HDAC9: variants seen among roughly 807,000 people sequenced by gnomAD.
The protein encoded by HDAC9 is histone deacetylase 9.
Under a neutral mutation model 139.4 loss-of-function variants are expected in HDAC9, and 41 were observed. That is an observed-to-expected ratio of 0.29 (90% CI 0.23 to 0.38). The LOEUF (loss-of-function observed/expected upper bound fraction) is 0.38. HDAC9 is among the 10% of genes least tolerant of loss of function. The probability of loss-of-function intolerance (pLI) is 1.00; values close to 1 mark genes in which losing one functional copy is unlikely to be tolerated. For missense variants in HDAC9, 1,147 were observed against 1,297.0 expected, an observed-to-expected ratio of 0.88 and a Z score of 1.78; for synonymous variants, 517 against 476.2, an observed-to-expected ratio of 1.09 and a Z score of -1.12.
chr7:18,742,035 T>TG (rs1253608376), intron 13 of HDAC9, among the ~76,000 whole-genome samples: 3 of 152,236 alleles, frequency 2.0e-5, no homozygotes, highest in African/African-American at 7.2e-5. Flanking sequence ...AGTGTACTCC[T>TG]GGTGAAGATG....
chr7:18,569,641 CTAAT>C (rs1481725518), intron 2 of HDAC9, among the ~76,000 whole-genome samples: 3 of 152,094 alleles, frequency 2.0e-5, no homozygotes, highest in Non-Finnish European at 4.4e-5. Flanking sequence ...TAATGACAGT[CTAAT>C]TAAATAGAAG....
intron 2 of HDAC9, among the ~76,000 whole-genome samples, chr7:18,171,055 A>G (rs963232296): frequency 6.6e-6 from 1 of 152,140 alleles, no homozygotes; most frequent in Admixed American, 6.5e-5. Flanking sequence ...TATTTCCAAG[A>G]TATTGATTCT....
At chr7:18,130,885 T>A (rs1281123145) in intron 1 of HDAC9, among the ~76,000 whole-genome samples, 1 of 151,874 alleles carries the variant, frequency 6.6e-6, no homozygotes, top group Non-Finnish European at 1.5e-5. Flanking sequence ...TGAAGTTATT[T>A]CTCTTTTTGT....
intron 14 of HDAC9, among the ~76,000 whole-genome samples, chr7:18,756,037 G>A (rs1788848045): frequency 6.6e-6 from 1 of 152,052 alleles, no homozygotes; most frequent in Non-Finnish European, 1.5e-5. Flanking sequence ...CTTGACCTAA[G>A]CTACCCATTA....
intron 2 of HDAC9, among the ~76,000 whole-genome samples, chr7:18,236,288 T>C (rs1488299084): frequency 6.6e-6 from 1 of 152,164 alleles, no homozygotes; most frequent in Admixed American, 6.5e-5. Context: ...AATCGACAAG[T>C]CTTCCAGGTG....
chr7:18,335,683 C>T (rs921456812), intron 1 of HDAC9, among the ~76,000 whole-genome samples: 1 of 151,514 alleles, frequency 6.6e-6, no homozygotes, highest in Non-Finnish European at 1.5e-5. Context: ...ACTGTTTATC[C>T]TTCTAAGAAT....
chr7:18,212,045 G>A (rs1791973417), intron 2 of HDAC9, among the ~76,000 whole-genome samples: 1 of 152,096 alleles, frequency 6.6e-6, no homozygotes, highest in African/African-American at 2.4e-5. Flanking sequence ...TTTCTTTGGG[G>A]AGAGGCTTAT....
intron 2 of HDAC9, among the ~76,000 whole-genome samples, chr7:18,186,057 A>G (rs985679290): frequency 3.3e-5 from 5 of 152,214 alleles, no homozygotes; most frequent in Non-Finnish European, 7.3e-5. Flanking sequence ...TGAAAACACT[A>G]TGGAGTAAGG....
chr7:18,979,394 C>T (rs894665570), intron 25 of HDAC9, among the ~76,000 whole-genome samples: 4 of 152,022 alleles, frequency 2.6e-5, no homozygotes, highest in South Asian at 2.1e-4. Context: ...TCAAATAGCC[C>T]ATCCCAATGG....
chr7:18,196,182 C>A (rs759882285), intron 2 of HDAC9, among the ~76,000 whole-genome samples: 1 of 152,076 alleles, frequency 6.6e-6, no homozygotes, highest in African/African-American at 2.4e-5. Flanking sequence ...AGCTTTTCAG[C>A]CCAAGATAAA....
At chr7:18,832,017 G>A (rs1041420527) in intron 19 of HDAC9, among the ~76,000 whole-genome samples, 1 of 152,164 alleles carries the variant, frequency 6.6e-6, no homozygotes, top group African/African-American at 2.4e-5. Context: ...GAGTATTTTA[G>A]GCAAGAATGA....
intron 24 of HDAC9, among the ~76,000 whole-genome samples, chr7:18,966,691 A>G (rs1014406236): frequency 3.4e-5 from 5 of 149,064 alleles, no homozygotes; most frequent in African/African-American, 1.2e-4. Flanking sequence ...ACAGAGCGAG[A>G]CTCCGACTCA....
chr7:18,172,800 A>G (rs1222307561), intron 2 of HDAC9, among the ~76,000 whole-genome samples: 2 of 152,212 alleles, frequency 1.3e-5, no homozygotes, highest in African/African-American at 4.8e-5. Flanking sequence ...ATTTGATTGC[A>G]CTGTGGTCTG....
At chr7:18,574,845 G>T (rs930424765) in intron 2 of HDAC9, among the ~76,000 whole-genome samples, 4 of 152,250 alleles carry the variant, frequency 2.6e-5, no homozygotes, top group Admixed American at 6.5e-5. Flanking sequence ...GGCAGCGACA[G>T]CAGGCACTTC....
At chr7:18,464,211 A>G (rs117317644) in intron 1 of HDAC9, among the ~76,000 whole-genome samples, 163 of 151,918 alleles carry the variant, frequency 1.1e-3, no homozygotes, top group Middle Eastern at 3.4e-3. Context: ...CAAACTTTCT[A>G]TATCTTTATA....
chr7:18,642,855 A>G (rs1310319617), intron 8 of HDAC9, among the ~76,000 whole-genome samples: 1 of 152,066 alleles, frequency 6.6e-6, no homozygotes, highest in Non-Finnish European at 1.5e-5. Context: ...GAAACAAAGA[A>G]AACTCTTTTG....
chr7:18,639,172 T>C (rs888956224), intron 8 of HDAC9, among the ~76,000 whole-genome samples: 16 of 152,096 alleles, frequency 1.1e-4, no homozygotes, highest in Non-Finnish European at 2.2e-4. Context: ...GTAATGTCAC[T>C]TGTTTTGCCC....
At chr7:18,546,672 G>A (rs1814948335) in intron 2 of HDAC9, among the ~76,000 whole-genome samples, 1 of 152,056 alleles carries the variant, frequency 6.6e-6, no homozygotes, top group Admixed American at 6.6e-5. Context: ...GTGATGGGGT[G>A]GTATTTTCCC....
intron 17 of HDAC9, among the ~76,000 whole-genome samples, chr7:18,817,121 G>A (rs1335145417): frequency 6.7e-6 from 1 of 150,052 alleles, no homozygotes; most frequent in African/African-American, 2.5e-5. Flanking sequence ...TGCAAGCTCC[G>A]CCTCCGGGGT....
Sources: gnomAD v4.1 joint callset for allele counts (sites outside exome capture counted in the v4.1 genomes callset) on GRCh38, gnomAD v4.1.1 for gene constraint, MANE v1.5 for transcripts, NCBI Gene and HGNC (gene_info 2026-07-23, HGNC 2026-07-21) for gene names.